Variants in TMEM255A observed in about 807,000 individuals in gnomAD.
TMEM255A encodes family with sequence similarity 70, member A.
Under a neutral mutation model 23.5 loss-of-function variants are expected in TMEM255A, and 14 were observed. That is an observed-to-expected ratio of 0.60 (90% confidence interval 0.39 to 0.93). TMEM255A has a LOEUF of 0.93. TMEM255A is among the 40% of genes least tolerant of loss of function. The pLI is 0.00. For missense variants in TMEM255A, 233 were observed against 261.7 expected, an observed-to-expected ratio of 0.89 and a Z score of 0.76; for synonymous variants, 104 against 100.3, an observed-to-expected ratio of 1.04 and a Z score of -0.22.
Position 120,260,683 on chromosome X carries a change from T to C in TMEM255A, c.*187A>G, listed in dbSNP as rs2057672142. 1.9e-6 allele frequency: 1 copy of C among 525,336 alleles called. No individual in the cohort carries two copies. The highest frequency in any genetic ancestry group is 2.9e-6 in the Non-Finnish European group (1 of 350,032). The allele number at this position is 525,336 out of a possible 1,213,427, so 43.3% of individuals were successfully genotyped here. On this transcript the variant is annotated 3_prime_UTR_variant, in exon 9 of 9. Coordinates refer to ENST00000371369, the MANE Select transcript of TMEM255A (RefSeq NM_001104544.3). ...ATGTGAGCTGCCCTTCTGTGCTGCG[T>C]TCAGCCTGACCACCCCTGCTCTGCA...
chrX:120,279,734 T>C lies in TMEM255A; in HGVS notation c.513-2687A>G, dbSNP rs782652986. ...GCAACTTACTTTCTTACTCTTAGGT[T>C]ACTTACTTTACTTAACTTCTCTGAG... On this transcript the variant is annotated intron_variant, in intron 6 of 8. Transcript: ENST00000371369. Among the ~76,000 whole-genome samples, 3 of 111,870 alleles carry C rather than the reference T, an allele frequency of 2.7e-5. No homozygotes were observed. In the South Asian group the frequency reaches 1.1e-3, roughly 42 times the overall value.
intron 7 of TMEM255A, among the ~76,000 whole-genome samples, chrX:120,269,046 C>T (rs2057736670): frequency 1.8e-5 from 2 of 110,884 alleles, no homozygotes; most frequent in South Asian, 7.7e-4. Flanking sequence ...ATTGATTTCT[C>T]ATCAGCCCTG....
At chrX:120,301,203 G>A (rs1424560268) in intron 2 of TMEM255A, among the ~76,000 whole-genome samples, 1 of 111,742 alleles carries the variant, frequency 8.9e-6, no homozygotes, top group Non-Finnish European at 1.9e-5. Context: ...AAATAAAGAT[G>A]CTCCCAAAAA....
intron 8 of TMEM255A, among the ~76,000 whole-genome samples, chrX:120,265,725 C>G (rs782723222): frequency 6.3e-5 from 7 of 111,789 alleles, no homozygotes; most frequent in Non-Finnish European, 9.4e-5. Context: ...GTCATCTTAT[C>G]TTAAAAATGG....
chrX:120,261,341 T>C (rs782075517), intron 8 of TMEM255A, among the ~76,000 whole-genome samples: 3 of 112,287 alleles, frequency 2.7e-5, no homozygotes, highest in African/African-American at 9.7e-5. Context: ...CATTTATAAC[T>C]CAAGCCTCCA....
intron 1 of TMEM255A, among the ~76,000 whole-genome samples, chrX:120,309,363 G>A (rs1203198659): frequency 8.8e-6 from 1 of 113,072 alleles, no homozygotes; most frequent in African/African-American, 3.2e-5. Context: ...ATCGCTGAGG[G>A]CCCCTGGGAG....
At chrX:120,257,233 A>G (rs1179881753), downstream of TMEM255A, 1 of 123,148 alleles carries the variant, frequency 8.1e-6, no homozygotes, top group African/African-American at 3.2e-5. Context: ...CTCTGGAATC[A>G]CCATATGTTT....
Position 120,311,247 on chromosome X carries a change from C to G in TMEM255A, c.58+5G>C. On this transcript the variant is annotated splice_donor_5th_base_variant and intron_variant, in intron 1 of 8. Transcript: ENST00000371369. Reference sequence around the variant, plus strand: ...GCCGCCCGAAGGAAGGGCCGCTAGACTTACCCATGGAATCGGGCAGGGACA... The same window carrying G: ...GCCGCCCGAAGGAAGGGCCGCTAGAGTTACCCATGGAATCGGGCAGGGACA... The G allele has an allele frequency of 1.0e-5, 12 of 1,180,730 alleles. No individual in the cohort carries two copies. The highest frequency in any genetic ancestry group is 1.4e-5 in the Non-Finnish European group (12 of 879,093).
chrX:120,295,025 A>ATT (rs2057945205), intron 2 of TMEM255A, among the ~76,000 whole-genome samples: 1 of 111,564 alleles, frequency 9.0e-6, no homozygotes, highest in African/African-American at 3.3e-5. Context: ...CCTAAAAACA[A>ATT]TTTTCCTGTC....
At chrX:120,254,501 C>T, downstream of TMEM255A, 5 of 1,211,693 alleles carry the variant, frequency 4.1e-6, no homozygotes, top group Non-Finnish European at 5.6e-6. Flanking sequence ...CTGATACCTC[C>T]CAAAATACCA....
downstream of TMEM255A, chrX:120,253,834 C>G (rs150895316): frequency 8.3e-7 from 1 of 1,209,379 alleles, no homozygotes; most frequent in African/African-American, 1.8e-5. Flanking sequence ...CCTTTACCTC[C>G]TGATTCTGGT....
chrX:120,261,570 C>A (rs781907775), intron 8 of TMEM255A, among the ~76,000 whole-genome samples: 1 of 111,378 alleles, frequency 9.0e-6, no homozygotes, highest in East Asian at 2.8e-4. Context: ...CTGGAGTCTT[C>A]TGACTCCAAG....
Position 120,294,321 on chromosome X carries a change from C to A in TMEM255A, c.202-270G>T, listed in dbSNP as rs782776356. On this transcript the variant is annotated intron_variant, in intron 2 of 8. Coordinates refer to ENST00000371369, the MANE Select transcript of TMEM255A (RefSeq NM_001104544.3). ...TAGTGGCGGGCGCCTGTAGTCCCAGCTACTTGGGAGGCTGAGGCAGGAGAA... is the reference window on the plus strand; with the variant it reads ...TAGTGGCGGGCGCCTGTAGTCCCAGATACTTGGGAGGCTGAGGCAGGAGAA... Among the ~76,000 whole-genome samples the A allele has an allele frequency of 1.1e-4, 12 of 106,196 alleles. No homozygotes were observed. The East Asian group carries it at 3.2e-3, about 29-fold the overall frequency. The allele number at this position is 106,196 out of a possible 115,157, so 92.2% of individuals were successfully genotyped here.
At position 120,272,250 on chromosome X, in the gene TMEM255A, C is replaced by T. The variant is rs376678910; in HGVS notation, c.676-3863G>A. On this transcript the variant is annotated intron_variant, in intron 7 of 8. Transcript: ENST00000371369. ...TTGTTGAGGCAGGGGGTCCCCAGGC[C>T]GGAATCCATGGAGGGCTCTGGGCAC... 7.2e-5 allele frequency among the ~76,000 whole-genome samples: 8 copies of T among 111,610 alleles called. No individual in the cohort carries two copies. In the East Asian group the frequency reaches 1.7e-3, roughly 24 times the overall value.
At chrX:120,258,074 A>G (rs1365956877), downstream of TMEM255A, 1 of 123,415 alleles carries the variant, frequency 8.1e-6, no homozygotes, top group Non-Finnish European at 1.9e-5. Context: ...TTTTGGTGGT[A>G]ACGATCCCCC....
In TMEM255A at chrX:120,268,014, C is replaced by G. The variant is rs1036017924; in HGVS notation, c.819+230G>C. Reference sequence around the variant, plus strand: ...CTCCCTCTCTCCCTTTTTCTTCCATCTCTCTGTTTCTTCTCTTGCGCAGCT... The same window carrying G: ...CTCCCTCTCTCCCTTTTTCTTCCATGTCTCTGTTTCTTCTCTTGCGCAGCT... On this transcript the variant is annotated intron_variant, in intron 8 of 8. Coordinates refer to ENST00000371369, the MANE Select transcript of TMEM255A (RefSeq NM_001104544.3). Among the ~76,000 whole-genome samples, 32 of 111,256 alleles carry G rather than the reference C, an allele frequency of 2.9e-4. No individual in the cohort carries two copies. In the Admixed American group the frequency reaches 3.0e-3, roughly 10 times the overall value.
rs1237515456 is a variant in TMEM255A at position 120,304,413 on chromosome X, A to G, written c.137T>C (p.Val46Ala). 1 of 1,209,110 alleles carries G rather than the reference A, an allele frequency of 8.3e-7. No homozygotes were observed. ...LLIVSVLILT[V>A]GLAATTRTQN... ...GGTCCTGGTGGTTGCAGCAAGGCCC[A>G]CTGTGAGAATTAACACGGACACAAT... is the stretch of plus-strand genomic sequence containing the variant. The change falls in exon 2 of 9, where the codon GTG becomes GCG. Residue 46 changes from valine to alanine, a missense_variant. Physicochemically the swap from Val to Ala is moderately conservative, Grantham distance 64. Coordinates refer to ENST00000371369, the MANE Select transcript of TMEM255A (RefSeq NM_001104544.3).
chrX:120,261,172 G>T, intron 8 of TMEM255A, 144 bp from the exon 9 acceptor site: 1 of 831,518 alleles, frequency 1.2e-6, no homozygotes, highest in Non-Finnish European at 1.6e-6. Context: ...GAGTTAATGA[G>T]CCTGGAACAG....
chrX:120,278,531 G>T (rs181944231), intron 6 of TMEM255A, among the ~76,000 whole-genome samples: 20 of 112,064 alleles, frequency 1.8e-4, no homozygotes, highest in African/African-American at 6.5e-4. Flanking sequence ...CACAGTTGGT[G>T]CTACATAAAT....
Sources: allele counts gnomAD v4.1 joint callset (sites outside exome capture counted in the v4.1 genomes callset), GRCh38; gene constraint gnomAD v4.1.1; transcripts MANE v1.5; gene names NCBI Gene and HGNC (gene_info 2026-07-23, HGNC 2026-07-21).